Variants in CSMD1 observed in about 807,000 individuals in gnomAD.
CSMD1 encodes the protein CUB and sushi domain-containing protein 1.
Under a neutral mutation model 417.5 loss-of-function variants are expected in CSMD1, and 213 were observed. The ratio of observed to expected loss-of-function variants is 0.51; its 90% confidence interval spans 0.46 to 0.57. CSMD1 has a LOEUF of 0.57. CSMD1 is among the 20% of genes least tolerant of loss of function. The pLI is 0.00. For synonymous variants in CSMD1, 2,862 were observed against 1,736.8 expected (o/e 1.65, Z -16.11); for missense variants, 6,923 against 4,529.7 (o/e 1.53, Z -15.17).
intron 3 of CSMD1, among the ~76,000 whole-genome samples, chr8:4,364,171 C>A (rs1801937975): frequency 6.6e-6 from 1 of 152,008 alleles, no homozygotes; most frequent in Admixed American, 6.5e-5. Flanking sequence ...AATATATATA[C>A]CTACTAAATG....
intron 5 of CSMD1, among the ~76,000 whole-genome samples, chr8:3,870,358 G>A (rs1430109969): frequency 1.3e-5 from 2 of 152,060 alleles, no homozygotes; most frequent in Non-Finnish European, 1.5e-5. Flanking sequence ...TATGTAAAAA[G>A]ACCAGTGCCT....
intron 10 of CSMD1, among the ~76,000 whole-genome samples, chr8:3,531,837 A>C (rs759656226): frequency 3.9e-5 from 6 of 152,176 alleles, no homozygotes; most frequent in Non-Finnish European, 5.9e-5. Context: ...GCACAGAGAG[A>C]AACGGCTACG....
At chr8:4,643,054 C>G (rs914577798) in intron 1 of CSMD1, among the ~76,000 whole-genome samples, 6 of 152,170 alleles carry the variant, frequency 3.9e-5, no homozygotes, top group Admixed American at 2.0e-4. Flanking sequence ...GGCCTGATAT[C>G]ATTTGAAAGC....
intron 3 of CSMD1, among the ~76,000 whole-genome samples, chr8:4,284,684 G>A (rs1233138887): frequency 2.0e-5 from 3 of 152,086 alleles, no homozygotes; most frequent in Non-Finnish European, 2.9e-5. Context: ...ACTCTTGACA[G>A]ATATAAAACA....
intron 1 of CSMD1, among the ~76,000 whole-genome samples, chr8:4,979,707 G>A (rs1250123816): frequency 6.6e-6 from 1 of 152,206 alleles, no homozygotes; most frequent in Non-Finnish European, 1.5e-5. Flanking sequence ...ATTCTGTAGT[G>A]ACAAATATAC....
rs182660524 is a variant in CSMD1 at position 3,511,069 on chromosome 8, T to A, written c.1345-17343A>T. Among the ~76,000 whole-genome samples, 335 of 151,944 alleles carry A rather than the reference T, an allele frequency of 2.2e-3. No individual in the cohort carries two copies. The Middle Eastern group carries it at 0.024, about 11-fold the overall frequency. On this transcript the variant is annotated intron_variant, in intron 10 of 69. Transcript: ENST00000635120. ...GCAGCAATAAAAAAGGATGACTTGATGTCCTTTGCAGGGACATGGATGAAG... is the reference window on the plus strand; with the variant it reads ...GCAGCAATAAAAAAGGATGACTTGAAGTCCTTTGCAGGGACATGGATGAAG...
chr8:3,806,521 T>C lies in CSMD1; in HGVS notation c.819-52479A>G, dbSNP rs192956994. 1.8e-3 allele frequency among the ~76,000 whole-genome samples: 276 copies of C among 152,166 alleles called. 1 individual carries two copies. In the East Asian group the frequency reaches 0.018, roughly 10 times the overall value. On this transcript the variant is annotated intron_variant, in intron 5 of 69. Transcript: ENST00000635120. ...AACACAGAGCCACGGTGCTCTGTGC[T>C]TTGAGGCATATTCACTCACTACCTA...
At chr8:4,086,985 C>A (rs1199239955) in intron 3 of CSMD1, among the ~76,000 whole-genome samples, 1 of 152,172 alleles carries the variant, frequency 6.6e-6, no homozygotes. Context: ...CTTCTGTTTC[C>A]TCATTTACAA....
intron 3 of CSMD1, among the ~76,000 whole-genome samples, chr8:4,375,261 A>G (rs1802658308): frequency 6.6e-6 from 1 of 152,186 alleles, no homozygotes; most frequent in Admixed American, 6.5e-5. Flanking sequence ...GCAGTTGTCC[A>G]TAAACAGACT....
At chr8:3,997,357 T>C (rs1383258106) in intron 5 of CSMD1, among the ~76,000 whole-genome samples, 2 of 152,162 alleles carry the variant, frequency 1.3e-5, no homozygotes, top group African/African-American at 2.4e-5. Flanking sequence ...ACCAGAGAAC[T>C]GACCACCCTG....
At chr8:4,531,614 C>T (rs1198926856) in intron 2 of CSMD1, among the ~76,000 whole-genome samples, 3 of 152,074 alleles carry the variant, frequency 2.0e-5, no homozygotes, top group Non-Finnish European at 4.4e-5. Flanking sequence ...TTTCTGCGCT[C>T]GTCAGGCCCT....
At chr8:4,318,073 T>C (rs13250518) in intron 3 of CSMD1, among the ~76,000 whole-genome samples, 36,459 of 152,120 alleles carry the variant, frequency 0.24, 7,155 homozygotes, top group African/African-American at 0.55. Context: ...CACGTAAGTG[T>C]GACATTTAGT....
chr8:3,315,917 G>A (rs1471098475), intron 23 of CSMD1, among the ~76,000 whole-genome samples: 1 of 152,180 alleles, frequency 6.6e-6, no homozygotes, highest in Non-Finnish European at 1.5e-5. Flanking sequence ...TGAATTTAAT[G>A]CTGGTTGTAC....
chr8:4,607,990 T>C (rs185623371), intron 2 of CSMD1, among the ~76,000 whole-genome samples: 13 of 152,228 alleles, frequency 8.5e-5, no homozygotes, highest in Admixed American at 5.9e-4. Context: ...TTATATACAG[T>C]GGTCAGAGAA....
intron 5 of CSMD1, among the ~76,000 whole-genome samples, chr8:3,760,984 C>T (rs570188829): frequency 1.3e-5 from 2 of 151,768 alleles, no homozygotes; most frequent in Admixed American, 1.3e-4. Context: ...ATTTTCTGGA[C>T]ATGCAATCCA....
At chr8:3,764,769 G>C (rs1313619348) in intron 5 of CSMD1, among the ~76,000 whole-genome samples, 5 of 135,856 alleles carry the variant, frequency 3.7e-5, no homozygotes, top group African/African-American at 1.1e-4. Context: ...TATTTTGAGA[G>C]ACATTCTCAC....
At chr8:4,116,669 A>G (rs1178585002) in intron 3 of CSMD1, among the ~76,000 whole-genome samples, 1 of 151,324 alleles carries the variant, frequency 6.6e-6, no homozygotes, top group African/African-American at 2.4e-5. Context: ...TCCGACGGCG[A>G]TGTACGAGTG....
chr8:3,388,571 A>C (rs1345413963), intron 17 of CSMD1, among the ~76,000 whole-genome samples: 3 of 152,220 alleles, frequency 2.0e-5, no homozygotes, highest in African/African-American at 7.2e-5. Flanking sequence ...TTTAGTCTCT[A>C]AAGGTGATCT....
intron 61 of CSMD1, 142 bp from the exon 62 acceptor site, chr8:2,961,356 A>T (rs1362969404): frequency 7.1e-6 from 3 of 424,454 alleles, no homozygotes; most frequent in Non-Finnish European, 1.3e-5. Context: ...GAAAGTTAAA[A>T]ATTAAATTGC....
Sources: gnomAD v4.1 joint callset for allele counts (sites outside exome capture counted in the v4.1 genomes callset) on GRCh38, gnomAD v4.1.1 for gene constraint, MANE v1.5 for transcripts, NCBI Gene and HGNC (gene_info 2026-07-23, HGNC 2026-07-21) for gene names.